PLA2G4A: variants seen among roughly 807,000 people sequenced by gnomAD.
PLA2G4A encodes phospholipase A2 group IVA, also known as cytosolic phospholipase A2.
PLA2G4A carries 40 observed loss-of-function variants against 81.9 expected under a neutral mutation model. The observed-to-expected ratio is 0.49, with a 90% CI of 0.38 to 0.64. The LOEUF is 0.64. Among genes scored for constraint, PLA2G4A ranks in the 30% least tolerant of loss-of-function variants. The probability of loss-of-function intolerance (pLI) is 0.00; values close to 1 mark genes in which losing one functional copy is unlikely to be tolerated. For synonymous variants in PLA2G4A, 302 were observed against 296.9 expected, an observed-to-expected ratio of 1.02 and a Z score of -0.18; for missense variants, 715 against 905.1, an observed-to-expected ratio of 0.79 and a Z score of 2.69.
rs778448553 is a variant in PLA2G4A at position 186,932,852 on chromosome 1, A to T, written c.648A>T (p.Gly216=). The T allele has an allele frequency of 4.5e-5, 72 of 1,613,054 alleles. No individual in the cohort carries two copies. The highest frequency in any genetic ancestry group is 5.5e-5 in the Non-Finnish European group (65 of 1,179,232). ...SGVMKALYES[G]ILDCATYVAG... is the part of the protein sequence containing the mutation. ...TGATGAAGGCATTATACGAATCAGG[A>T]ATTCTGGATTGTGCTACCTACGTTG... The change falls in exon 8 of 18, where the codon GGA becomes GGT. Residue 216 remains glycine, a synonymous_variant. Transcript: ENST00000367466.
chr1:186,897,897 T>C (rs1187276265), intron 5 of PLA2G4A, among the ~76,000 whole-genome samples: 1 of 152,188 alleles, frequency 6.6e-6, no homozygotes, highest in Non-Finnish European at 1.5e-5. Context: ...GGGCTTCTAA[T>C]GGTCCTGTCA....
chr1:186,897,574 T>A (rs1654377331), intron 5 of PLA2G4A, among the ~76,000 whole-genome samples: 1 of 152,162 alleles, frequency 6.6e-6, no homozygotes, highest in African/African-American at 2.4e-5. Flanking sequence ...AGTGGCACAA[T>A]CTTGCTTCAC....
At chr1:186,965,005 CT>C (rs1388423437) in intron 14 of PLA2G4A, among the ~76,000 whole-genome samples, 1 of 152,198 alleles carries the variant, frequency 6.6e-6, no homozygotes, top group Admixed American at 6.5e-5. Flanking sequence ...CAGATGTCCT[CT>C]GCCTCACCTG....
At chr1:186,870,353 GA>G (rs1456085505) in intron 2 of PLA2G4A, 81 bp from the exon 3 acceptor site, 23 of 832,598 alleles carry the variant, frequency 2.8e-5, no homozygotes, top group Non-Finnish European at 4.3e-5. Context: ...TTTTTAAGTA[GA>G]ATATTTTAAA....
intron 1 of PLA2G4A, among the ~76,000 whole-genome samples, chr1:186,834,088 A>C (rs1651693091): frequency 6.6e-6 from 1 of 152,312 alleles, no homozygotes; most frequent in South Asian, 2.1e-4. Context: ...TTAGTAAACA[A>C]ATGTCATTAA....
chr1:186,830,634 T>TAAAAAAAAAAA (rs1651520226), intron 1 of PLA2G4A, among the ~76,000 whole-genome samples: 1 of 109,178 alleles, frequency 9.2e-6, no homozygotes. Flanking sequence ...AAAAAAAAAG[T>TAAAAAAAAAAA]AAGTTATTCT....
At chr1:186,870,552 A>G (rs1165136242) in intron 3 of PLA2G4A, 36 bp downstream of exon 3, 1 of 1,419,304 alleles carries the variant, frequency 7.0e-7, no homozygotes, top group Admixed American at 1.7e-5. Context: ...TTAAACATGT[A>G]ATTATGGTTC....
At chr1:186,911,192 G>A in intron 6 of PLA2G4A, 56 bp from the exon 7 acceptor site, 2 of 1,529,814 alleles carry the variant, frequency 1.3e-6, no homozygotes, top group Non-Finnish European at 1.8e-6. Flanking sequence ...CTACCTGGAT[G>A]GAAAACCAGA....
At chr1:186,962,413 T>C (rs1373481453) in intron 14 of PLA2G4A, among the ~76,000 whole-genome samples, 1 of 152,052 alleles carries the variant, frequency 6.6e-6, no homozygotes, top group African/African-American at 2.4e-5. Context: ...TGCGATAAAA[T>C]ACACATATTA....
intron 3 of PLA2G4A, 35 bp downstream of exon 3, chr1:186,870,551 T>A: frequency 5.7e-6 from 8 of 1,415,192 alleles, no homozygotes; most frequent in Non-Finnish European, 8.0e-6. Flanking sequence ...GTTAAACATG[T>A]AATTATGGTT....
At chr1:186,857,129 T>TATATTATATATAATATATA (rs1652593216) in intron 2 of PLA2G4A, among the ~76,000 whole-genome samples, 1 of 7,286 alleles carries the variant, frequency 1.4e-4, no homozygotes. Context: ...TATTCTATAA[T>TATATTATATATAATATATA]ATATATTATA....
intron 15 of PLA2G4A, among the ~76,000 whole-genome samples, chr1:186,970,507 C>T (rs1276263038): frequency 6.6e-6 from 1 of 151,992 alleles, no homozygotes; most frequent in Non-Finnish European, 1.5e-5. Flanking sequence ...AGTGTTTTCC[C>T]AATGTTTTAT....
At chr1:186,857,568 T>C (rs1340569402) in intron 2 of PLA2G4A, among the ~76,000 whole-genome samples, 1 of 143,690 alleles carries the variant, frequency 7.0e-6, no homozygotes, top group Non-Finnish European at 1.5e-5. Flanking sequence ...ATTATAATAT[T>C]AATATAAATA....
intron 3 of PLA2G4A, among the ~76,000 whole-genome samples, chr1:186,885,147 A>G (rs1031770490): frequency 3.3e-5 from 5 of 152,276 alleles, no homozygotes; most frequent in Admixed American, 2.6e-4. Context: ...GAGAAGAAGT[A>G]TGCCTGACAG....
intron 3 of PLA2G4A, among the ~76,000 whole-genome samples, chr1:186,874,404 T>C (rs2102066753): frequency 6.6e-6 from 1 of 152,162 alleles, no homozygotes; most frequent in Non-Finnish European, 1.5e-5. Flanking sequence ...ACACAGATCC[T>C]GAATGATAAT....
intron 1 of PLA2G4A, among the ~76,000 whole-genome samples, chr1:186,852,211 G>A (rs751288282): frequency 6.6e-6 from 1 of 151,924 alleles, no homozygotes; most frequent in Non-Finnish European, 1.5e-5. Context: ...TAATGAAGAA[G>A]GGAGAAGAGA....
intron 2 of PLA2G4A, among the ~76,000 whole-genome samples, chr1:186,863,224 G>A (rs568216405): frequency 6.6e-5 from 10 of 152,104 alleles, no homozygotes; most frequent in Non-Finnish European, 2.9e-5. Flanking sequence ...TGTACACCAT[G>A]GCACCCAGTT....
chr1:186,870,377 A>T (rs1161314406), intron 2 of PLA2G4A, 58 bp from the exon 3 acceptor site: 11 of 989,766 alleles, frequency 1.1e-5, no homozygotes, highest in Non-Finnish European at 1.6e-5. Flanking sequence ...AATCTCAAGG[A>T]AAAAATGAGG....
intron 15 of PLA2G4A, among the ~76,000 whole-genome samples, chr1:186,970,118 G>A (rs909526361): frequency 4.6e-5 from 7 of 151,874 alleles, no homozygotes; most frequent in African/African-American, 1.7e-4. Flanking sequence ...CTGGGGTAAG[G>A]TTGAATCTTA....
Sources: allele counts gnomAD v4.1 joint callset (sites outside exome capture counted in the v4.1 genomes callset), GRCh38; gene constraint gnomAD v4.1.1; transcripts MANE v1.5; gene names NCBI Gene and HGNC (gene_info 2026-07-23, HGNC 2026-07-21).